The following TAPBPL variants were observed in gnomAD, a reference collection of about 807,000 sequenced individuals.
The protein encoded by TAPBPL is TAP binding protein like.
A neutral mutation model predicts 44.8 loss-of-function variants in TAPBPL; 32 were observed. The observed-to-expected ratio is 0.71, with a 90% CI of 0.54 to 0.96. The LOEUF (loss-of-function observed/expected upper bound fraction) is 0.96, where lower values mean the gene tolerates loss of function less well. Ranked by LOEUF, TAPBPL falls within the 40% of genes least tolerant of loss-of-function variation. The pLI is 0.00. For missense variants in TAPBPL, 520 were observed against 586.6 expected (o/e 0.89, Z 1.17); for synonymous variants, 230 against 240.7 (o/e 0.96, Z 0.41).
chr12:6,452,987 C>T, intron 1 of TAPBPL, 80 bp from the exon 2 acceptor site: 1 of 1,409,330 alleles, frequency 7.1e-7, no homozygotes, highest in African/African-American at 1.4e-5. Context: ...GATGACTCCA[C>T]AGCTTGAGGG....
In TAPBPL at chr12:6,457,715, C is replaced by A; in HGVS notation, c.875C>A (p.Ala292Asp). ...CAGATCACCACCTCTCTGTACCGAG[C>A]TCAGCAGATCATCCAGCTCAACATC... ...ICQITTSLYR[A>D]QQIIQLNIQA... Residue 292 changes from alanine to aspartate, a missense_variant, in exon 4 of 7, where the codon GCT becomes GAT. Physicochemically the swap from Ala to Asp is moderately radical, Grantham distance 126 (BLOSUM62 -2). Transcript: ENST00000266556. The A allele has an allele frequency of 6.3e-7, 1 of 1,596,126 alleles. No individual in the cohort carries two copies. The highest frequency in any genetic ancestry group is 8.6e-7 in the Non-Finnish European group (1 of 1,167,006).
chr12:6,462,549 G>C (rs117358859), downstream of TAPBPL: 6 of 530,920 alleles, frequency 1.1e-5, no homozygotes, highest in Admixed American at 2.1e-4. Flanking sequence ...CACAGAAGAG[G>C]GTACAGGGTG....
chr12:6,457,764 A>T lies in TAPBPL; in HGVS notation c.904+20A>T, dbSNP rs758196754. 6.5e-7 allele frequency: 1 copy of T among 1,544,446 alleles called. No homozygotes were observed. Among genetic ancestry groups the T allele is most frequent in the East Asian group, 2.3e-5 (1 of 43,726 alleles). On this transcript the variant is annotated intron_variant, in intron 4 of 6. Transcript: ENST00000266556. ...TCCAAGGTGAGGCCAGGACATGGTT[A>T]TCCCAGGGAAGGGGATATAACATGT...
At chr12:6,463,603 C>G (rs1310624518), downstream of TAPBPL, 2 of 1,079,370 alleles carry the variant, frequency 1.9e-6, no homozygotes, top group African/African-American at 1.7e-5. This position sits in a 1 kb window ranked among gnomAD's most constrained non-coding sequence, Gnocchi z 4.0. Flanking sequence ...TTCTCTATAA[C>G]TAACAGGCAA....
chr12:6,470,402 G>GGCGCGCGGTGGTAGTT, downstream of TAPBPL: 7 of 1,439,170 alleles, frequency 4.9e-6, no homozygotes, highest in South Asian at 7.2e-5. Context: ...GTCCGGAAGC[G>GGCGCGCGGTGGTAGTT]GCGCGCGGTG....
At chr12:6,465,418 A>ATATATATAAATGTATATATATG (rs1949992986), downstream of TAPBPL, 1 of 111,340 alleles carries the variant, frequency 9.0e-6, no homozygotes, top group African/African-American at 3.8e-5. Context: ...ATATATGTAT[A>ATATATATAAATGTATATATATG]TATATATATA....
downstream of TAPBPL, chr12:6,465,353 AAAAAG>A (rs1401728731): frequency 1.2e-5 from 3 of 244,510 alleles, no homozygotes; most frequent in Middle Eastern, 1.1e-3. Flanking sequence ...AAGAAAAAGA[AAAAAG>A]TATATATATA....
intron 3 of TAPBPL, among the ~76,000 whole-genome samples, chr12:6,457,101 G>A (rs1198179379): frequency 6.6e-6 from 1 of 152,244 alleles, no homozygotes; most frequent in Non-Finnish European, 1.5e-5. Context: ...TACTCTAGTA[G>A]TTCTTACCTG....
downstream of TAPBPL, chr12:6,462,865 TG>T: frequency 1.2e-6 from 2 of 1,604,852 alleles, no homozygotes; most frequent in Admixed American, 1.7e-5. Context: ...GAAGGGAATG[TG>T]GGAAACAAGG....
chr12:6,464,800 G>T, downstream of TAPBPL: 1 of 1,601,072 alleles, frequency 6.2e-7, no homozygotes, highest in South Asian at 1.1e-5. Context: ...AGTCAGAGCA[G>T]CCCCACTCCC....
chr12:6,463,266 G>T, downstream of TAPBPL: 2 of 1,352,688 alleles, frequency 1.5e-6, no homozygotes, highest in Non-Finnish European at 9.5e-7. This position sits in a 1 kb window ranked among gnomAD's most constrained non-coding sequence, Gnocchi z 4.0. Flanking sequence ...TCAAGGAGAG[G>T]GCCCCATGAC....
chr12:6,462,591 C>G (rs1592143411), downstream of TAPBPL: 1 of 583,066 alleles, frequency 1.7e-6, no homozygotes, highest in South Asian at 2.3e-5. Context: ...GCTAATACCC[C>G]CAAAGAACAA....
Position 6,453,664 on chromosome 12 carries a change from G to C in TAPBPL, c.513G>C (p.Trp171Cys). 6.2e-7 allele frequency: 1 copy of C among 1,613,364 alleles called. No homozygotes were observed. Among genetic ancestry groups the C allele is most frequent in the Non-Finnish European group, 8.5e-7 (1 of 1,179,820 alleles). The change falls in exon 3 of 7, where the codon TGG becomes TGC. Residue 171 changes from tryptophan (W) to cysteine (C), a missense_variant. Transcript: ENST00000266556. This position sits in a 1 kb window ranked among gnomAD's most constrained non-coding sequence, Gnocchi z 4.8. ...GGGTCACCAAGAATGAGGCGCTCTG[G>C]CACCCGACGCTGAACTTGCCACTGA... Reference protein sequence around the residue: ...TPRVTKNEALWHPTLNLPLSP... With the variant: ...TPRVTKNEALCHPTLNLPLSP...
chr12:6,463,142 T>C (rs897804422), downstream of TAPBPL: 5 of 1,471,908 alleles, frequency 3.4e-6, no homozygotes, highest in Non-Finnish European at 4.5e-6. This position sits in a 1 kb window ranked among gnomAD's most constrained non-coding sequence, Gnocchi z 4.0. Context: ...GGTTCCACTG[T>C]CTATACACAC....
At chr12:6,467,373 G>A (rs892249031), downstream of TAPBPL, among the ~76,000 whole-genome samples, 5 of 152,176 alleles carry the variant, frequency 3.3e-5, no homozygotes, top group African/African-American at 1.2e-4. Flanking sequence ...TTAGTGATAT[G>A]AACAATAAGG....
At chr12:6,470,613 G>A (rs187875046), downstream of TAPBPL, 223 of 1,579,566 alleles carry the variant, frequency 1.4e-4, no homozygotes, top group African/African-American at 2.5e-3. Flanking sequence ...CGGCTGAAGT[G>A]GACGGAACTG....
upstream of TAPBPL, chr12:6,451,677 C>A (rs1474899584): frequency 7.7e-6 from 3 of 389,712 alleles, no homozygotes; most frequent in Non-Finnish European, 1.4e-5. Flanking sequence ...GACCCACATG[C>A]TACAAGACGG....
intron 3 of TAPBPL, among the ~76,000 whole-genome samples, chr12:6,454,315 GA>G (rs1027853284): frequency 6.7e-6 from 1 of 150,096 alleles, no homozygotes; most frequent in Non-Finnish European, 1.5e-5. Flanking sequence ...CTAAAATACA[GA>G]AATTAGCCGG....
chr12:6,453,825 C>A lies in TAPBPL; in HGVS notation c.565+109C>A. 1 of 1,355,640 alleles carries A rather than the reference C, an allele frequency of 7.4e-7. No homozygotes were observed. Among genetic ancestry groups the A allele is most frequent in the Non-Finnish European group, 9.7e-7 (1 of 1,027,118 alleles). 84.0% of individuals were successfully genotyped at this position (1,355,640 alleles called of 1,614,324 possible). On this transcript the variant is annotated intron_variant, in intron 3 of 6. Coordinates refer to ENST00000266556, the MANE Select transcript of TAPBPL (RefSeq NM_018009.5). The surrounding 1 kb of genome is among the most constrained non-coding windows in gnomAD (Gnocchi z 4.8). Reference sequence around the variant, plus strand: ...CTGAGGTCAGGAGTTTGAGATCAGCCTGGTCAACACGGTGAAACCCCGTCT... The same window carrying A: ...CTGAGGTCAGGAGTTTGAGATCAGCATGGTCAACACGGTGAAACCCCGTCT...
Sources: allele counts gnomAD v4.1 joint callset (sites outside exome capture counted in the v4.1 genomes callset), GRCh38; gene constraint gnomAD v4.1.1; non-coding constraint Gnocchi (gnomAD v3.1); transcripts MANE v1.5; gene names NCBI Gene and HGNC (gene_info 2026-07-23, HGNC 2026-07-21).